Variants in KIAA1217 observed in about 807,000 individuals in gnomAD.
The protein encoded by KIAA1217 is KIAA1217.
KIAA1217 carries 88 observed loss-of-function variants against 163.9 expected under a neutral mutation model. That is an observed-to-expected ratio of 0.54 (90% confidence interval 0.45 to 0.64). The LOEUF (loss-of-function observed/expected upper bound fraction) is 0.64. Among genes scored for constraint, KIAA1217 ranks in the 30% least tolerant of loss-of-function variants. The pLI, the probability that KIAA1217 is intolerant of heterozygous loss-of-function variation, is 0.00. For synonymous variants in KIAA1217, 903 were observed against 923.1 expected, an observed-to-expected ratio of 0.98 and a Z score of 0.39; for missense variants, 2,372 against 2,475.0, an observed-to-expected ratio of 0.96 and a Z score of 0.88.
At chr10:24,517,394 TCCCAA>T in intron 10 of KIAA1217, among the ~76,000 whole-genome samples, 1 of 152,150 alleles carries the variant, frequency 6.6e-6, no homozygotes, top group African/African-American at 2.4e-5. Flanking sequence ...GTGACGGATA[TCCCAA>T]GTACACTGAT....
chr10:23,849,082 A>C lies in KIAA1217; in HGVS notation c.-321+153848A>C, dbSNP rs751395122. ...TGTTAGATGAAAGAATGGGGAAATA[A>C]GACAATATGGAGCTAAATACTGTTG... On this transcript the variant is annotated intron_variant, in intron 1 of 18. Transcript: ENST00000376462. Among the ~76,000 whole-genome samples, 4 of 152,244 alleles carry C rather than the reference A, an allele frequency of 2.6e-5. No homozygotes were observed. In the South Asian group the frequency reaches 8.3e-4, roughly 32 times the overall value.
rs146138123 is a variant in KIAA1217 at position 24,379,718 on chromosome 10, C to T, written c.355-1151C>T. Among the ~76,000 whole-genome samples, 19 of 152,260 alleles carry T rather than the reference C, an allele frequency of 1.2e-4. No homozygotes were observed. The East Asian group carries it at 3.5e-3, about 28-fold the overall frequency. ...CAAATCTGTAGCCCAAAACTCAAGG[C>T]AGGACTGGCTAAAGAATTGTCAGGG... On this transcript the variant is annotated intron_variant, in intron 2 of 20. Transcript: ENST00000376454.
intron 3 of KIAA1217, among the ~76,000 whole-genome samples, chr10:24,406,620 T>C (rs191386327): frequency 6.6e-6 from 1 of 152,342 alleles, no homozygotes; most frequent in African/African-American, 2.4e-5. Context: ...CCTGAAACAT[T>C]ATGCAGCCAA....
At chr10:24,231,305 G>A (rs1017278380) in intron 2 of KIAA1217, among the ~76,000 whole-genome samples, 3 of 152,066 alleles carry the variant, frequency 2.0e-5, no homozygotes, top group Admixed American at 2.0e-4. Context: ...AACGGAGTGC[G>A]ACTCTGTCTC....
At chr10:24,176,831 G>A (rs1256675082) in intron 2 of KIAA1217, among the ~76,000 whole-genome samples, 2 of 152,206 alleles carry the variant, frequency 1.3e-5, no homozygotes, top group Non-Finnish European at 2.9e-5. Context: ...GGCAGGGGAG[G>A]CTCAGGCATG....
At chr10:24,107,663 G>T (rs1460324543) in intron 2 of KIAA1217, among the ~76,000 whole-genome samples, 1 of 152,032 alleles carries the variant, frequency 6.6e-6, no homozygotes, top group East Asian at 1.9e-4. Flanking sequence ...TCATATGCTT[G>T]TTGGCCACAC....
chr10:23,878,921 T>G (rs1840827990), intron 1 of KIAA1217, among the ~76,000 whole-genome samples: 1 of 151,898 alleles, frequency 6.6e-6, no homozygotes, highest in Non-Finnish European at 1.5e-5. Context: ...AGGATGGAGT[T>G]GTCATTTATT....
rs1018557940 is a variant in KIAA1217 at position 23,938,477 on chromosome 10, T to G, written c.-320-68748T>G. Among the ~76,000 whole-genome samples, 5 of 151,458 alleles carry G rather than the reference T, an allele frequency of 3.3e-5. No homozygotes were observed. The East Asian group carries it at 7.8e-4, about 24-fold the overall frequency. ...TTCTGCATCCGTGGTTTCAACCAAC[T>G]ACAGACCAAAAATATTGAAAAATTT... On this transcript the variant is annotated intron_variant, in intron 1 of 18. Coordinates refer to the KIAA1217 transcript ENST00000376462.
intron 1 of KIAA1217, among the ~76,000 whole-genome samples, chr10:23,918,114 T>C (rs1389618406): frequency 2.6e-5 from 4 of 151,706 alleles, no homozygotes; most frequent in Non-Finnish European, 4.4e-5. Context: ...CTGTGCTCAA[T>C]TGATCCTCCC....
At chr10:24,179,011 C>G (rs2066043243) in intron 2 of KIAA1217, among the ~76,000 whole-genome samples, 1 of 152,184 alleles carries the variant, frequency 6.6e-6, no homozygotes, top group Non-Finnish European at 1.5e-5. Context: ...TCTTTACCCT[C>G]TTAGATTCAG....
chr10:24,061,851 CT>C (rs1404440072), intron 2 of KIAA1217, among the ~76,000 whole-genome samples: 1 of 152,000 alleles, frequency 6.6e-6, no homozygotes, highest in East Asian at 1.9e-4. Flanking sequence ...TATAACGTGC[CT>C]TTGTGTATAT....
intron 6 of KIAA1217, among the ~76,000 whole-genome samples, chr10:24,483,660 A>G (rs548069907): frequency 9.2e-5 from 14 of 152,302 alleles, no homozygotes; most frequent in Admixed American, 3.3e-4. Flanking sequence ...AGGTCCACTC[A>G]AGAGACCATC....
At chr10:23,986,675 A>T (rs1217476920) in intron 1 of KIAA1217, among the ~76,000 whole-genome samples, 1 of 152,204 alleles carries the variant, frequency 6.6e-6, no homozygotes, top group African/African-American at 2.4e-5. Flanking sequence ...CATGTCGCAA[A>T]TGTGGCTTCC....
intron 2 of KIAA1217, among the ~76,000 whole-genome samples, chr10:24,366,369 C>G (rs1440062410): frequency 1.3e-5 from 2 of 152,072 alleles, no homozygotes; most frequent in African/African-American, 4.8e-5. Flanking sequence ...CGCTTTAACT[C>G]GGGAAGCAGA....
At chr10:24,501,789 C>A (rs2133977555) in intron 9 of KIAA1217, among the ~76,000 whole-genome samples, 1 of 118,482 alleles carries the variant, frequency 8.4e-6, no homozygotes, top group East Asian at 2.6e-4. Flanking sequence ...CGCTTTGTCC[C>A]CCAGGCTGGA....
rs532468141 is a variant in KIAA1217, at chr10:23,790,385, A to G, written c.-321+95151A>G. 8.4e-4 allele frequency among the ~76,000 whole-genome samples: 74 copies of G among 88,344 alleles called. 9 individuals are homozygous for G. The highest frequency in any genetic ancestry group is 6.7e-3 in the South Asian group (23 of 3,408). The allele number at this position is 88,344 out of a possible 152,430, so 58.0% of individuals were successfully genotyped here. The stretch of plus-strand genomic sequence containing the variant: ...TATATACATATACATATGTATATAT[A>G]CATATGTATATATACATATATACAT... On this transcript the variant is annotated intron_variant, in intron 1 of 18. Coordinates refer to the KIAA1217 transcript ENST00000376462.
At chr10:24,011,301 C>T (rs576697434) in intron 2 of KIAA1217, among the ~76,000 whole-genome samples, 1 of 152,128 alleles carries the variant, frequency 6.6e-6, no homozygotes, top group East Asian at 1.9e-4. Context: ...GCCTGGACAA[C>T]ATAGCGAGAC....
At chr10:23,859,863 C>A (rs1240427757) in intron 1 of KIAA1217, among the ~76,000 whole-genome samples, 1 of 143,720 alleles carries the variant, frequency 7.0e-6, no homozygotes, top group Admixed American at 6.9e-5. Flanking sequence ...TTTTTTTTTT[C>A]TTGGCAGCCA....
At chr10:24,312,615 T>C (rs1164394057) in intron 2 of KIAA1217, among the ~76,000 whole-genome samples, 1 of 151,578 alleles carries the variant, frequency 6.6e-6, no homozygotes, top group Admixed American at 6.6e-5. Context: ...GAGACTCCAT[T>C]TCAAAACCAA....
Sources: allele counts gnomAD v4.1 joint callset (sites outside exome capture counted in the v4.1 genomes callset), GRCh38; gene constraint gnomAD v4.1.1; transcripts MANE v1.5; gene names NCBI Gene and HGNC (gene_info 2026-07-23, HGNC 2026-07-21).